The following LNPK variants were observed in gnomAD, a reference collection of about 807,000 sequenced individuals.
LNPK encodes lunapark, ER junction formation factor.
In LNPK, 29 loss-of-function variants were observed where a neutral mutation model predicts 55.2. The observed-to-expected ratio is 0.53, with a 90% CI of 0.39 to 0.72. The LOEUF (loss-of-function observed/expected upper bound fraction) is 0.72. LNPK is among the 30% of genes least tolerant of loss of function. The pLI is 0.00. For synonymous variants in LNPK, 162 were observed against 168.2 expected, an observed-to-expected ratio of 0.96 and a Z score of 0.29; for missense variants, 467 against 494.8, an observed-to-expected ratio of 0.94 and a Z score of 0.53.
chr2:175,947,393 AT>A, intron 9 of LNPK, 86 bp downstream of exon 9: 1 of 1,101,202 alleles, frequency 9.1e-7, no homozygotes, highest in Non-Finnish European at 1.3e-6. Flanking sequence ...ATGAAATGCC[AT>A]TTCCATACCA....
At chr2:175,934,172 G>A (rs533774308) in intron 12 of LNPK, among the ~76,000 whole-genome samples, 83 of 152,202 alleles carry the variant, frequency 5.5e-4, no homozygotes, top group Non-Finnish European at 9.6e-4. Context: ...CTGCACATAA[G>A]TAAATATAAA....
At chr2:175,952,740 C>T (rs886528056) in intron 8 of LNPK, among the ~76,000 whole-genome samples, 7 of 151,928 alleles carry the variant, frequency 4.6e-5, no homozygotes, top group Admixed American at 1.3e-4. Context: ...CTTAACCCAA[C>T]TCAATCTGGT....
Position 175,924,854 on chromosome 2 carries a change from G to A in LNPK, c.*5113C>T, listed in dbSNP as rs1399088875. 2 of 152,412 alleles carry A rather than the reference G, an allele frequency of 1.3e-5. No homozygotes were observed. The highest frequency in any genetic ancestry group is 1.3e-4 in the Admixed American group (2 of 15,288). 9.4% of individuals were successfully genotyped at this position (152,412 alleles called of 1,614,324 possible). On this transcript the variant is annotated 3_prime_UTR_variant, in exon 13 of 13. Coordinates refer to ENST00000272748, the MANE Select transcript of LNPK (RefSeq NM_030650.3). ...TGTGTGCAGAGATCACACAGCAAGAGAGAGGAAGCAAAGAAGAAAGGGAGG... is the reference window on the plus strand; with the variant it reads ...TGTGTGCAGAGATCACACAGCAAGAAAGAGGAAGCAAAGAAGAAAGGGAGG...
At chr2:175,964,715 C>CTATTT in intron 6 of LNPK, 126 bp from the exon 7 acceptor site, 1 of 619,526 alleles carries the variant, frequency 1.6e-6, no homozygotes, top group Non-Finnish European at 2.9e-6. Context: ...TTCCTACATT[C>CTATTT]GAATAATTAA....
chr2:175,951,605 A>ATATATATATCTATATC (rs1441190050), intron 8 of LNPK, among the ~76,000 whole-genome samples: 3 of 129,682 alleles, frequency 2.3e-5, no homozygotes, highest in Admixed American at 7.7e-5. Flanking sequence ...ATATATATAT[A>ATATATATATCTATATC]TATATCTCAG....
intron 1 of LNPK, among the ~76,000 whole-genome samples, chr2:176,000,081 A>T (rs559966468): frequency 6.6e-6 from 1 of 152,280 alleles, no homozygotes; most frequent in South Asian, 2.1e-4. Context: ...GTGCTTTTCA[A>T]TGAACAATAA....
At position 175,937,431 on chromosome 2, in the gene LNPK, C is replaced by A; in HGVS notation, c.967G>T (p.Glu323Ter). ...GAACCTTCCACCACCTGCCTCTTCT[C>A]AAAACTAAACTCAGGAAGTCTTGGA... ...QAPRLPEFSF[E>*]KRQVVEGSSS... Residue 323 changes from glutamate to a stop codon, truncating the protein, a stop_gained, in exon 12 of 13, where the codon GAG becomes TAG. Coordinates refer to ENST00000272748, the MANE Select transcript of LNPK (RefSeq NM_030650.3). LOFTEE classifies it high-confidence loss of function. The A allele has an allele frequency of 1.9e-6, 3 of 1,613,750 alleles. No individual in the cohort carries two copies. Among genetic ancestry groups the A allele is most frequent in the Non-Finnish European group, 1.7e-6 (2 of 1,179,772 alleles).
chr2:175,988,977 G>A (rs187554192), intron 4 of LNPK, among the ~76,000 whole-genome samples: 10 of 152,184 alleles, frequency 6.6e-5, no homozygotes, highest in East Asian at 1.9e-4. Context: ...GGGTTTTACC[G>A]TGTTAGCCAG....
intron 1 of LNPK, among the ~76,000 whole-genome samples, chr2:176,001,640 G>C (rs572048069): frequency 1.3e-5 from 2 of 152,178 alleles, no homozygotes; most frequent in South Asian, 4.1e-4. Context: ...GCTAGAGCCC[G>C]GCAGCATGAC....
chr2:175,990,980 C>A (rs1687674649), intron 4 of LNPK, among the ~76,000 whole-genome samples: 1 of 152,072 alleles, frequency 6.6e-6, no homozygotes, highest in South Asian at 2.1e-4. Flanking sequence ...AGTTTTCCTG[C>A]TTCTAAAGAA....
chr2:175,993,616 G>A lies in LNPK; in HGVS notation c.28-393C>T, dbSNP rs1190398101. Among the ~76,000 whole-genome samples the A allele has an allele frequency of 4.0e-5, 6 of 151,840 alleles. No individual in the cohort carries two copies. The South Asian group carries it at 6.2e-4, about 16-fold the overall frequency. On this transcript the variant is annotated intron_variant, in intron 2 of 12. Coordinates refer to ENST00000272748, the MANE Select transcript of LNPK (RefSeq NM_030650.3). Reference sequence around the variant, plus strand: ...GGGTCAGGAGTTTGAGACCAGCTTCGCCAACTGGTCTACTAAAAATCCAAA... The same window carrying A: ...GGGTCAGGAGTTTGAGACCAGCTTCACCAACTGGTCTACTAAAAATCCAAA...
At chr2:175,946,097 A>C (rs892728504) in intron 9 of LNPK, among the ~76,000 whole-genome samples, 1 of 152,172 alleles carries the variant, frequency 6.6e-6, no homozygotes, top group African/African-American at 2.4e-5. Flanking sequence ...CTAATTAAAA[A>C]CTTCAGTAAA....
At chr2:175,958,729 T>C (rs1169966583) in intron 8 of LNPK, among the ~76,000 whole-genome samples, 4 of 152,102 alleles carry the variant, frequency 2.6e-5, no homozygotes, top group Admixed American at 1.3e-4. Flanking sequence ...CTTTGACAAG[T>C]TGAGAGAAGA....
Position 175,924,288 on chromosome 2 carries a change from T to C in LNPK, c.*5679A>G, listed in dbSNP as rs554119302. On this transcript the variant is annotated 3_prime_UTR_variant, in exon 13 of 13. Coordinates refer to ENST00000272748, the MANE Select transcript of LNPK (RefSeq NM_030650.3). ...ACCATTTCAAAATAGCTATTCATAA[T>C]TCACAAAATGCCTTTATTCTTTGGC... is the stretch of plus-strand genomic sequence containing the variant. 1 of 152,344 alleles carries C rather than the reference T, an allele frequency of 6.6e-6. No individual in the cohort carries two copies. Among genetic ancestry groups the C allele is most frequent in the Admixed American group, 6.5e-5 (1 of 15,300 alleles). 9.4% of individuals were successfully genotyped at this position (152,344 alleles called of 1,614,324 possible). A position where few individuals can be genotyped will look rare whatever the true frequency, so the allele number is the denominator to read the frequency against.
intron 12 of LNPK, among the ~76,000 whole-genome samples, chr2:175,930,470 CAAAAT>C (rs1684227894): frequency 6.6e-6 from 1 of 151,844 alleles, no homozygotes; most frequent in African/African-American, 2.4e-5. Context: ...TATTTTCATA[CAAAAT>C]AAGTTACTAA....
At chr2:175,950,428 A>T (rs1396026948) in intron 8 of LNPK, among the ~76,000 whole-genome samples, 1 of 152,102 alleles carries the variant, frequency 6.6e-6, no homozygotes, top group Non-Finnish European at 1.5e-5. Flanking sequence ...CATAAATAAA[A>T]GATAAATGTT....
rs561333143 is a variant in LNPK at position 175,928,200 on chromosome 2, C to T, written c.*1767G>A. The T allele has an allele frequency of 3.3e-5, 5 of 151,938 alleles. No homozygotes were observed. Among genetic ancestry groups the T allele is most frequent in the Admixed American group, 6.6e-5 (1 of 15,232 alleles). The allele number at this position is 151,938 out of a possible 1,614,324, so 9.4% of individuals were successfully genotyped here. On this transcript the variant is annotated 3_prime_UTR_variant, in exon 13 of 13. Coordinates refer to ENST00000272748, the MANE Select transcript of LNPK (RefSeq NM_030650.3). ...AATCTGAGAAGCTGAATTACATGTTCGTATTATTTTTTACTTTCCTCATCT... is the reference window on the plus strand; with the variant it reads ...AATCTGAGAAGCTGAATTACATGTTTGTATTATTTTTTACTTTCCTCATCT...
chr2:175,947,680 C>T lies in LNPK; in HGVS notation c.506G>A (p.Arg169Gln). ...TARPGQEIRQ[R>Q]TAAQRNLSPT... ...AGAAAGGTTTCTTTGAGCTGCAGTT[C>T]GCTGACGAATCTCTGAGAAGAGTAA... Residue 169 changes from arginine (R) to glutamine (Q), a missense_variant, in exon 9 of 13, where the codon CGA (arginine) becomes CAA (glutamine). Transcript: ENST00000272748. The T allele has an allele frequency of 1.9e-6, 3 of 1,611,248 alleles. No homozygotes were observed. Among genetic ancestry groups the T allele is most frequent in the Non-Finnish European group, 2.5e-6 (3 of 1,178,578 alleles).
chr2:175,951,584 CATATATATAT>C (rs56037027), intron 8 of LNPK, among the ~76,000 whole-genome samples: 9,545 of 90,722 alleles, frequency 0.11, 1,273 homozygotes, highest in South Asian at 0.26. Flanking sequence ...TTCCATCATT[CATATATATAT>C]ATATATATAT....
Sources: allele counts gnomAD v4.1 joint callset (sites outside exome capture counted in the v4.1 genomes callset), GRCh38; gene constraint gnomAD v4.1.1; transcripts MANE v1.5; gene names NCBI Gene and HGNC (gene_info 2026-07-23, HGNC 2026-07-21).